The following SNTB1 variants were observed in gnomAD, a reference collection of about 807,000 sequenced individuals.
SNTB1 encodes the protein beta-1-syntrophin.
A neutral mutation model predicts 48.9 loss-of-function variants in SNTB1; 36 were observed. The ratio of observed to expected loss-of-function variants is 0.74; its 90% CI spans 0.56 to 0.97. The LOEUF is 0.97. Ranked by LOEUF, SNTB1 falls within the 50% of genes least tolerant of loss-of-function variation. The pLI, the probability that SNTB1 is intolerant of heterozygous loss-of-function variation, is 0.00. For synonymous variants in SNTB1, 299 were observed against 294.6 expected (o/e 1.01, Z -0.15); for missense variants, 786 against 703.4 (o/e 1.12, Z -1.33).
At chr8:120,654,189 G>T (rs1817460371) in intron 2 of SNTB1, among the ~76,000 whole-genome samples, 2 of 151,742 alleles carry the variant, frequency 1.3e-5, no homozygotes, top group Admixed American at 6.6e-5. Context: ...CCCAGGGTAG[G>T]TCTCCACTCT....
rs1296935702 is a variant in SNTB1, at chr8:120,691,033, T to TA, written c.788+2658_788+2659insT. 7.0e-3 allele frequency among the ~76,000 whole-genome samples: 1,065 copies of TA among 152,342 alleles called. 16 individuals are homozygous for TA. The Middle Eastern group carries it at 0.095, about 14-fold the overall frequency. ...AAGCCCTATGTATAATCGTCAATGG[T>TA]GGACTTGACGAGCACCAATATAAAA... On this transcript the variant is annotated intron_variant, in intron 2 of 6. Coordinates refer to ENST00000517992, the MANE Select transcript of SNTB1 (RefSeq NM_021021.4).
intron 1 of SNTB1, among the ~76,000 whole-genome samples, chr8:120,717,041 C>A (rs1818570601): frequency 6.6e-6 from 1 of 152,210 alleles, no homozygotes; most frequent in African/African-American, 2.4e-5. Flanking sequence ...GTCACTGAAT[C>A]TCTCCTTGGC....
At chr8:120,623,624 G>T (rs1445165734) in intron 3 of SNTB1, among the ~76,000 whole-genome samples, 1 of 152,174 alleles carries the variant, frequency 6.6e-6, no homozygotes, top group East Asian at 1.9e-4. Context: ...CTAATAAACT[G>T]CTGCTAATCT....
intron 2 of SNTB1, among the ~76,000 whole-genome samples, chr8:120,664,388 A>T (rs1209962501): frequency 2.0e-5 from 3 of 152,238 alleles, no homozygotes; most frequent in Non-Finnish European, 4.4e-5. Flanking sequence ...TTGAGGCATA[A>T]TTGATATGCA....
chr8:120,798,220 C>T (rs1335836377), intron 1 of SNTB1, among the ~76,000 whole-genome samples: 2 of 151,792 alleles, frequency 1.3e-5, no homozygotes, highest in Non-Finnish European at 2.9e-5. Context: ...CTTCTAAGGC[C>T]CCAGACTAAT....
intron 1 of SNTB1, among the ~76,000 whole-genome samples, chr8:120,784,953 G>A (rs898148541): frequency 6.6e-6 from 1 of 152,162 alleles, no homozygotes; most frequent in Non-Finnish European, 1.5e-5. Context: ...AAGGGGGAAG[G>A]CCTCAACCCT....
intron 2 of SNTB1, among the ~76,000 whole-genome samples, chr8:120,684,458 A>C (rs1817992998): frequency 6.6e-6 from 1 of 152,148 alleles, no homozygotes. Flanking sequence ...TCTAAATCAC[A>C]TGTAAGTGAG....
chr8:120,566,785 C>T (rs1027451894), intron 4 of SNTB1, among the ~76,000 whole-genome samples: 1 of 152,144 alleles, frequency 6.6e-6, no homozygotes, highest in Admixed American at 6.5e-5. Flanking sequence ...AGATGGTGTT[C>T]CCGCTGCTGG....
intron 3 of SNTB1, among the ~76,000 whole-genome samples, chr8:120,589,295 C>T (rs1489609245): frequency 6.6e-6 from 1 of 152,188 alleles, no homozygotes. Flanking sequence ...GGTCCATCTG[C>T]CAAAGTAAAC....
At chr8:120,539,422 C>T (rs1172453253) in intron 6 of SNTB1, among the ~76,000 whole-genome samples, 2 of 152,206 alleles carry the variant, frequency 1.3e-5, no homozygotes, top group Non-Finnish European at 2.9e-5. Flanking sequence ...TTCACAGAGT[C>T]ATTAGAGGGT....
chr8:120,619,764 T>G lies in SNTB1; in HGVS notation c.996+12680A>C, dbSNP rs117771033. Among the ~76,000 whole-genome samples, 109 of 152,292 alleles carry G rather than the reference T, an allele frequency of 7.2e-4. No individual in the cohort carries two copies. The East Asian group carries it at 0.018, about 25-fold the overall frequency. On this transcript the variant is annotated intron_variant, in intron 3 of 6. Coordinates refer to ENST00000517992, the MANE Select transcript of SNTB1 (RefSeq NM_021021.4). The stretch of plus-strand genomic sequence containing the variant: ...TTGTCATTGTGTTAAGGGCCAGTTT[T>G]GAAGTGTGGTCTGACACTCAGACCT...
chr8:120,808,274 G>A (rs546533469), intron 1 of SNTB1, among the ~76,000 whole-genome samples: 1 of 152,230 alleles, frequency 6.6e-6, no homozygotes, highest in African/African-American at 2.4e-5. Flanking sequence ...TCAGGAAAAT[G>A]AATAATAACA....
At chr8:120,598,727 T>C (rs1245594688) in intron 3 of SNTB1, among the ~76,000 whole-genome samples, 1 of 152,212 alleles carries the variant, frequency 6.6e-6, no homozygotes, top group African/African-American at 2.4e-5. Flanking sequence ...TGGGGGAAAG[T>C]CAAAGCATCC....
chr8:120,776,613 C>A (rs921069571), intron 1 of SNTB1: 3 of 152,074 alleles, frequency 2.0e-5, no homozygotes, highest in Non-Finnish European at 4.4e-5. Flanking sequence ...TATTTACAAC[C>A]AAAATAAAAC....
At chr8:120,807,342 C>T (rs1402337119) in intron 1 of SNTB1, among the ~76,000 whole-genome samples, 1 of 152,206 alleles carries the variant, frequency 6.6e-6, no homozygotes, top group African/African-American at 2.4e-5. Flanking sequence ...TGCACTGTGC[C>T]CAGCTCCAGA....
chr8:120,601,251 G>C (rs1251612446), intron 3 of SNTB1, among the ~76,000 whole-genome samples: 7 of 152,004 alleles, frequency 4.6e-5, no homozygotes, highest in African/African-American at 1.7e-4. Flanking sequence ...GGTCAGCATA[G>C]GGGGAGGGGA....
intron 4 of SNTB1, among the ~76,000 whole-genome samples, chr8:120,560,827 G>T (rs181977068): frequency 6.6e-6 from 1 of 152,160 alleles, no homozygotes; most frequent in Non-Finnish European, 1.5e-5. Context: ...TTTAATTGCC[G>T]CAACGCTTCT....
chr8:120,542,102 T>A, intron 5 of SNTB1, 102 bp from the exon 6 acceptor site: 1 of 738,548 alleles, frequency 1.4e-6, no homozygotes, highest in Non-Finnish European at 2.1e-6. Context: ...AGCGATCAGC[T>A]ACGAATTTCT....
At chr8:120,583,964 T>C (rs1816091184) in intron 3 of SNTB1, among the ~76,000 whole-genome samples, 1 of 152,108 alleles carries the variant, frequency 6.6e-6, no homozygotes, top group South Asian at 2.1e-4. Flanking sequence ...AATCAATCAA[T>C]ACTTAAAATA....
Sources: allele counts gnomAD v4.1 joint callset (sites outside exome capture counted in the v4.1 genomes callset), GRCh38; gene constraint gnomAD v4.1.1; transcripts MANE v1.5; gene names NCBI Gene and HGNC (gene_info 2026-07-23, HGNC 2026-07-21).